The following PCCA variants were observed in gnomAD, a reference collection of about 807,000 sequenced individuals.
PCCA encodes propionyl-CoA carboxylase alpha chain, mitochondrial.
Under a neutral mutation model 101.3 loss-of-function variants are expected in PCCA, and 74 were observed. The observed-to-expected ratio is 0.73, with a 90% CI of 0.61 to 0.89. The LOEUF (loss-of-function observed/expected upper bound fraction) is 0.89, where lower values mean the gene tolerates loss of function less well. Ranked by LOEUF, PCCA falls within the 40% of genes least tolerant of loss-of-function variation. The pLI is 0.00. For synonymous variants in PCCA, 294 were observed against 313.6 expected (o/e 0.94, Z 0.66); for missense variants, 891 against 907.0 (o/e 0.98, Z 0.23).
In PCCA at chr13:100,387,304, C is replaced by A. The variant is rs138821166; in HGVS notation, c.1746+18730C>A. Among the ~76,000 whole-genome samples, 43 of 152,290 alleles carry A rather than the reference C, an allele frequency of 2.8e-4. No individual in the cohort carries two copies. The East Asian group carries it at 8.1e-3, about 29-fold the overall frequency. Reference sequence around the variant, plus strand: ...GTTCCTCCACAGCCTCCTGTTTCCCCTTCTGTAGGTGTATGAACTACCCAG... The same window carrying A: ...GTTCCTCCACAGCCTCCTGTTTCCCATTCTGTAGGTGTATGAACTACCCAG... On this transcript the variant is annotated intron_variant, in intron 19 of 23. Transcript: ENST00000376285.
At chr13:100,416,746 A>G (rs1251092715) in intron 19 of PCCA, among the ~76,000 whole-genome samples, 1 of 151,716 alleles carries the variant, frequency 6.6e-6, no homozygotes, top group Non-Finnish European at 1.5e-5. Context: ...GCTGGTCTCA[A>G]ACTCCTGGCC....
intron 6 of PCCA, among the ~76,000 whole-genome samples, chr13:100,184,077 G>T (rs367609123): frequency 6.6e-6 from 1 of 152,160 alleles, no homozygotes; most frequent in East Asian, 1.9e-4. Flanking sequence ...GGTGTCATCT[G>T]CTTCTGAGGA....
At chr13:100,305,947 C>T (rs746291871) in intron 14 of PCCA, 34 of 311,170 alleles carry the variant, frequency 1.1e-4, no homozygotes, top group Non-Finnish European at 1.8e-4. Context: ...AATAAAAGCC[C>T]TTCAGGTATG....
intron 8 of PCCA, among the ~76,000 whole-genome samples, chr13:100,242,356 A>G (rs1279305872): frequency 2.6e-5 from 4 of 152,224 alleles, no homozygotes; most frequent in South Asian, 2.1e-4. Context: ...TTACAAATGT[A>G]TATGCACCAG....
At chr13:100,228,295 C>T (rs1251004526) in intron 7 of PCCA, among the ~76,000 whole-genome samples, 3 of 152,160 alleles carry the variant, frequency 2.0e-5, no homozygotes, top group East Asian at 1.9e-4. Flanking sequence ...GGATTACAGG[C>T]GTGAGCCACC....
intron 8 of PCCA, among the ~76,000 whole-genome samples, chr13:100,245,506 C>G (rs1206636317): frequency 6.6e-6 from 1 of 152,142 alleles, no homozygotes; most frequent in Non-Finnish European, 1.5e-5. Context: ...TCTCATTCGT[C>G]AGGTTGTAGG....
At chr13:100,441,834 A>G (rs141635625) in intron 20 of PCCA, among the ~76,000 whole-genome samples, 1 of 152,162 alleles carries the variant, frequency 6.6e-6, no homozygotes, top group Non-Finnish European at 1.5e-5. Context: ...GGCATTGAAT[A>G]CTTTGTTTTT....
chr13:100,258,539 C>G (rs1002820077), intron 9 of PCCA, among the ~76,000 whole-genome samples: 3 of 152,184 alleles, frequency 2.0e-5, no homozygotes, highest in Non-Finnish European at 2.9e-5. Context: ...AGCAATTTCA[C>G]TGAACGCTTA....
chr13:100,217,216 G>GT (rs1213164040), intron 7 of PCCA, among the ~76,000 whole-genome samples: 3 of 152,140 alleles, frequency 2.0e-5, no homozygotes, highest in African/African-American at 7.2e-5. Context: ...GGAGGCCGAG[G>GT]TGGGTGGATC....
chr13:100,436,884 T>G (rs997692559), intron 20 of PCCA, among the ~76,000 whole-genome samples: 1 of 152,200 alleles, frequency 6.6e-6, no homozygotes, highest in Non-Finnish European at 1.5e-5. Flanking sequence ...ACTCCATTAG[T>G]GTGGCTGGTG....
At chr13:100,339,154 C>T (rs1379218212) in intron 17 of PCCA, among the ~76,000 whole-genome samples, 3 of 151,952 alleles carry the variant, frequency 2.0e-5, no homozygotes, top group South Asian at 2.1e-4. Flanking sequence ...ACTTATAATG[C>T]GTAGTACAAT....
At position 100,311,228 on chromosome 13, in the gene PCCA, G is replaced by A. The variant is rs554630134; in HGVS notation, c.1429+1320G>A. ...AGCCTAGGTGACAGAGTGAGAGTCC[G>A]TCTCAATGAAAAAAAAAATTTTTTT... On this transcript the variant is annotated intron_variant, in intron 16 of 23. Coordinates refer to ENST00000376285, the MANE Select transcript of PCCA (RefSeq NM_000282.4). Among the ~76,000 whole-genome samples, 162 of 141,428 alleles carry A rather than the reference G, an allele frequency of 1.1e-3. 2 individuals carry two copies. Among genetic ancestry groups the A allele is most frequent in the Middle Eastern group, 7.2e-3 (2 of 276 alleles). The allele number at this position is 141,428 out of a possible 152,430, so 92.8% of individuals were successfully genotyped here. A position where few individuals can be genotyped will look rare whatever the true frequency, so the allele number is the denominator to read the frequency against.
At chr13:100,404,114 G>C (rs1460645607) in intron 19 of PCCA, among the ~76,000 whole-genome samples, 1 of 152,200 alleles carries the variant, frequency 6.6e-6, no homozygotes, top group Non-Finnish European at 1.5e-5. Context: ...CCAGTTGCAT[G>C]ACCATTTGGA....
chr13:100,349,977 C>T (rs531094224), intron 18 of PCCA, among the ~76,000 whole-genome samples: 2 of 152,286 alleles, frequency 1.3e-5, no homozygotes, highest in African/African-American at 4.8e-5. Context: ...AGACAATTAT[C>T]TGTTTATTTT....
intron 14 of PCCA, chr13:100,305,904 A>G (rs904687037): frequency 2.6e-6 from 1 of 377,540 alleles, no homozygotes; most frequent in African/African-American, 2.2e-5. Context: ...GAATACAGAT[A>G]TCTATATTTT....
chr13:100,234,355 G>A (rs1285759673), intron 7 of PCCA, among the ~76,000 whole-genome samples: 1 of 152,058 alleles, frequency 6.6e-6, no homozygotes, highest in Non-Finnish European at 1.5e-5. Context: ...AAACAGCAAC[G>A]TGTAATAAAG....
chr13:100,521,261 G>A (rs2087264505), intron 22 of PCCA, among the ~76,000 whole-genome samples: 1 of 152,298 alleles, frequency 6.6e-6, no homozygotes, highest in Admixed American at 6.5e-5. Context: ...CCCAGTTCTG[G>A]GGAGCCCCAC....
At chr13:100,374,357 G>A (rs1022334197) in intron 19 of PCCA, among the ~76,000 whole-genome samples, 10 of 152,048 alleles carry the variant, frequency 6.6e-5, no homozygotes, top group African/African-American at 1.9e-4. Flanking sequence ...GTGATAAGCC[G>A]AAAAGTACCC....
chr13:100,126,658 A>G (rs1350357291), intron 4 of PCCA, among the ~76,000 whole-genome samples: 1 of 152,156 alleles, frequency 6.6e-6, no homozygotes, highest in African/African-American at 2.4e-5. Flanking sequence ...AATGCTAGAA[A>G]TGTATGTATT....
Sources: allele counts gnomAD v4.1 joint callset (sites outside exome capture counted in the v4.1 genomes callset), GRCh38; gene constraint gnomAD v4.1.1; transcripts MANE v1.5; gene names NCBI Gene and HGNC (gene_info 2026-07-23, HGNC 2026-07-21).